DNM1: variants seen among roughly 807,000 people sequenced by gnomAD.
DNM1 encodes dynamin 1.
A neutral mutation model predicts 104.6 loss-of-function variants in DNM1; 29 were observed. The observed-to-expected ratio is 0.28, with a 90% CI of 0.21 to 0.38. The LOEUF (loss-of-function observed/expected upper bound fraction) is 0.38. Among genes scored for constraint, DNM1 ranks in the 10% least tolerant of loss-of-function variants. DNM1 has a pLI of 1.00. For synonymous variants in DNM1, 445 were observed against 475.8 expected, an observed-to-expected ratio of 0.94 and a Z score of 0.84; for missense variants, 640 against 1,189.4, an observed-to-expected ratio of 0.54 and a Z score of 6.79.
At chr9:128,251,639 C>T (rs905071181) in intron 21 of DNM1, 1 of 149,430 alleles carries the variant, frequency 6.7e-6, no homozygotes, top group Non-Finnish European at 1.5e-5. Context: ...CCAACCACCC[C>T]CTCCGCGACT....
chr9:128,233,957 G>T lies in DNM1; in HGVS notation c.1336-64G>T, dbSNP rs565022445. The stretch of plus-strand genomic sequence containing the variant: ...CGCCGCGGATCCCTGGACTCGTGGG[G>T]TGTGGGTGCTCCCTGCCCGTGCCCT... On this transcript the variant is annotated intron_variant, in intron 10 of 21. Coordinates refer to ENST00000372923, the MANE Select transcript of DNM1 (RefSeq NM_004408.4). 9.1e-5 allele frequency: 130 copies of T among 1,435,586 alleles called. 4 individuals are homozygous for T. In the African/African-American group the frequency reaches 1.8e-3, roughly 20 times the overall value. The allele number at this position is 1,435,586 out of a possible 1,614,324, so 88.9% of individuals were successfully genotyped here.
intron 10 of DNM1, among the ~76,000 whole-genome samples, chr9:128,225,097 G>A (rs1835261800): frequency 6.6e-6 from 1 of 152,142 alleles, no homozygotes; most frequent in Non-Finnish European, 1.5e-5. Flanking sequence ...GAAGCTCCAG[G>A]AGATCAAGTG....
chr9:128,240,259 G>A lies in DNM1; in HGVS notation c.1557+263G>A, dbSNP rs370624952. Among the ~76,000 whole-genome samples the A allele has an allele frequency of 2.3e-4, 35 of 152,300 alleles. No individual in the cohort carries two copies. Among genetic ancestry groups the A allele is most frequent in the African/African-American group, 6.0e-4 (25 of 41,556 alleles). ...TGGGTGAGAAGGCTGGGCCTGGCAC[G>A]GAGTAGGTGCTCCTTAAACATCTGC... On this transcript the variant is annotated intron_variant, in intron 14 of 21. Coordinates refer to ENST00000372923, the MANE Select transcript of DNM1 (RefSeq NM_004408.4). The surrounding 1 kb of genome is among the most constrained non-coding windows in gnomAD (Gnocchi z 5.1).
At chr9:128,226,134 C>T in intron 10 of DNM1, 2 of 1,612,848 alleles carry the variant, frequency 1.2e-6, no homozygotes, top group Non-Finnish European at 1.7e-6. Context: ...ATATGGTAGT[C>T]AGTGAGCTCA....
In DNM1 at chr9:128,222,883, G is replaced by T. The variant is rs375483444; in HGVS notation, c.1196+23G>T. 2 of 1,612,558 alleles carry T rather than the reference G, an allele frequency of 1.2e-6. No individual in the cohort carries two copies. Among genetic ancestry groups the T allele is most frequent in the African/African-American group, 2.7e-5 (2 of 74,896 alleles). Reference sequence around the variant, plus strand: ...TAGGCACGTATTGGGGCCTGGGAGGGTGGCTGAACCCCAGAAGTAGGGGGT... The same window carrying T: ...TAGGCACGTATTGGGGCCTGGGAGGTTGGCTGAACCCCAGAAGTAGGGGGT... On this transcript the variant is annotated intron_variant, in intron 9 of 21. Transcript: ENST00000372923. The surrounding 1 kb of genome is among the most constrained non-coding windows in gnomAD (Gnocchi z 7.8).
chr9:128,210,348 C>CATTATTATTATTATTATTATT lies in DNM1; in HGVS notation c.161+6728_161+6748dup, dbSNP rs61012054. On this transcript the variant is annotated intron_variant, in intron 1 of 21. Coordinates refer to ENST00000372923, the MANE Select transcript of DNM1 (RefSeq NM_004408.4). ...TTTTATTTTATTTGTATTTATTTGG[C>CATTATTATTATTATTATTATT]ATTATTATTATTATTATTATTATTA... 5.2e-3 allele frequency among the ~76,000 whole-genome samples: 736 copies of CATTATTATTATTATTATTATT among 141,610 alleles called. 5 individuals are homozygous for CATTATTATTATTATTATTATT. The highest frequency in any genetic ancestry group is 8.6e-3 in the Non-Finnish European group (567 of 65,558). The allele number at this position is 141,610 out of a possible 152,430, so 92.9% of individuals were successfully genotyped here. A position where few individuals can be genotyped will look rare whatever the true frequency, so the allele number is the denominator to read the frequency against.
chr9:128,249,769 T>G (rs1170635981), intron 19 of DNM1, among the ~76,000 whole-genome samples: 1 of 151,062 alleles, frequency 6.6e-6, no homozygotes, highest in Non-Finnish European at 1.5e-5. Flanking sequence ...GAGGCTACAG[T>G]GAGTGGTAAT....
In DNM1 at chr9:128,203,503, G is replaced by A. The variant is rs1157955248; in HGVS notation, c.33G>A (p.Pro11=). The change falls in exon 1 of 22, where the codon CCG becomes CCA. Residue 11 remains proline, a synonymous_variant. Coordinates refer to ENST00000372923, the MANE Select transcript of DNM1 (RefSeq NM_004408.4). The surrounding 1 kb of genome is among the most constrained non-coding windows in gnomAD (Gnocchi z 5.3). MGNRGMEDLI[P]LVNRLQDAFS... ...ACCGCGGCATGGAAGATCTCATCCCGCTGGTCAACCGGCTGCAAGACGCCT... is the reference window on the plus strand; with the variant it reads ...ACCGCGGCATGGAAGATCTCATCCCACTGGTCAACCGGCTGCAAGACGCCT... 2 of 1,534,556 alleles carry A rather than the reference G, an allele frequency of 1.3e-6. No homozygotes were observed. The highest frequency in any genetic ancestry group is 1.7e-4 in the Middle Eastern group (1 of 5,820).
chr9:128,230,252 A>G (rs1265440537), intron 10 of DNM1, among the ~76,000 whole-genome samples: 1 of 151,422 alleles, frequency 6.6e-6, no homozygotes, highest in Non-Finnish European at 1.5e-5. Flanking sequence ...TTAAAAAAAA[A>G]GATGGGATTC....
At position 128,254,059 on chromosome 9, in the gene DNM1, C is replaced by T. The variant is rs1829700508; in HGVS notation, c.2535-595C>T. ...CCTGCAGCCCCCCGACCAGCTGAGGCTCCCCTCTTAGACTTATAAGTCTAT... is the reference window on the plus strand; with the variant it reads ...CCTGCAGCCCCCCGACCAGCTGAGGTTCCCCTCTTAGACTTATAAGTCTAT... On this transcript the variant is annotated intron_variant, in intron 21 of 21. Coordinates refer to ENST00000372923, the MANE Select transcript of DNM1 (RefSeq NM_004408.4). This position sits in a 1 kb window ranked among gnomAD's most constrained non-coding sequence, Gnocchi z 6.1. 14 of 1,237,220 alleles carry T rather than the reference C, an allele frequency of 1.1e-5. No individual in the cohort carries two copies. Among genetic ancestry groups the T allele is most frequent in the Non-Finnish European group, 1.4e-5 (14 of 991,830 alleles). 76.6% of individuals were successfully genotyped at this position (1,237,220 alleles called of 1,614,324 possible).
Position 128,245,271 on chromosome 9 carries a change from G to A in DNM1, c.1672-1123G>A, listed in dbSNP as rs909028498. Among the ~76,000 whole-genome samples, 2 of 151,908 alleles carry A rather than the reference G, an allele frequency of 1.3e-5. No homozygotes were observed. The highest frequency in any genetic ancestry group is 2.9e-5 in the Non-Finnish European group (2 of 67,934). On this transcript the variant is annotated intron_variant, in intron 15 of 21. Coordinates refer to ENST00000372923, the MANE Select transcript of DNM1 (RefSeq NM_004408.4). This position sits in a 1 kb window ranked among gnomAD's most constrained non-coding sequence, Gnocchi z 5.2. ...TGCATGGGCCAGGGGGGCGTTGGGGGCAGAGAGGGGTGGGCGGGATGACGC... is the reference window on the plus strand; with the variant it reads ...TGCATGGGCCAGGGGGGCGTTGGGGACAGAGAGGGGTGGGCGGGATGACGC...
chr9:128,242,755 A>G (rs553369555), intron 15 of DNM1, among the ~76,000 whole-genome samples: 3 of 152,194 alleles, frequency 2.0e-5, no homozygotes, highest in Admixed American at 6.5e-5. Context: ...GTGAGACTCC[A>G]TCTCAAAAAA....
intron 10 of DNM1, among the ~76,000 whole-genome samples, chr9:128,229,536 G>GCCA (rs1239370607): frequency 6.9e-6 from 1 of 144,674 alleles, no homozygotes; most frequent in African/African-American, 2.6e-5. Context: ...GGTCGAGGCT[G>GCCA]CAGTGAGCTC....
intron 1 of DNM1, among the ~76,000 whole-genome samples, chr9:128,213,882 A>G (rs1834452013): frequency 6.6e-6 from 1 of 152,150 alleles, no homozygotes; most frequent in South Asian, 2.1e-4. Context: ...TGCAGTGTTC[A>G]GACCTCAGCT....
chr9:128,236,589 A>G (rs1315077729), intron 11 of DNM1, among the ~76,000 whole-genome samples: 2 of 152,090 alleles, frequency 1.3e-5, no homozygotes, highest in South Asian at 2.1e-4. Flanking sequence ...AGTGGCTTAT[A>G]CCTGTAACCC....
intron 4 of DNM1, among the ~76,000 whole-genome samples, chr9:128,219,562 G>A (rs1311888193): frequency 2.0e-5 from 3 of 152,140 alleles, no homozygotes; most frequent in Admixed American, 6.5e-5. Context: ...CCAGCTACTC[G>A]TGAGGCTGAG....
At chr9:128,223,339 G>A (rs541941971) in intron 9 of DNM1, 19 of 156,952 alleles carry the variant, frequency 1.2e-4, no homozygotes, top group Non-Finnish European at 1.7e-4. Context: ...TAGGCAACCC[G>A]TGGAGTAGGA....
rs916945326 is a variant in DNM1, at chr9:128,253,905, A to G, written c.2535-749A>G. 2.4e-5 allele frequency: 30 copies of G among 1,230,518 alleles called. No individual in the cohort carries two copies. The highest frequency in any genetic ancestry group is 9.3e-5 in the African/African-American group (6 of 64,324). 76.2% of individuals were successfully genotyped at this position (1,230,518 alleles called of 1,614,324 possible). ...GCTCCTAGGGTCACTTGTGCCATTC[A>G]GCCAAGGGGACGACCGTGCCTGCTG... On this transcript the variant is annotated intron_variant, in intron 21 of 21. Transcript: ENST00000372923. The surrounding 1 kb of genome is among the most constrained non-coding windows in gnomAD (Gnocchi z 5.9).
Position 128,253,865 on chromosome 9 carries a change from G to A in DNM1, c.2535-789G>A, listed in dbSNP as rs967224824. 12 of 1,204,360 alleles carry A rather than the reference G, an allele frequency of 1.0e-5. No individual in the cohort carries two copies. Among genetic ancestry groups the A allele is most frequent in the African/African-American group, 7.8e-5 (5 of 63,768 alleles). 74.6% of individuals were successfully genotyped at this position (1,204,360 alleles called of 1,614,324 possible). ...CACCGTAGCCAGCCAGCGGGCTCAC[G>A]CACCTTGGCCTGTTGCTCCTAGGGT... On this transcript the variant is annotated intron_variant, in intron 21 of 21. Transcript: ENST00000372923. This position sits in a 1 kb window ranked among gnomAD's most constrained non-coding sequence, Gnocchi z 5.9.
Sources: allele counts gnomAD v4.1 joint callset (sites outside exome capture counted in the v4.1 genomes callset), GRCh38; gene constraint gnomAD v4.1.1; non-coding constraint Gnocchi (gnomAD v3.1); transcripts MANE v1.5; gene names NCBI Gene and HGNC (gene_info 2026-07-23, HGNC 2026-07-21).